CLTC: variants seen among roughly 807,000 people sequenced by gnomAD.
CLTC encodes the protein clathrin heavy chain.
Under a neutral mutation model 195.8 loss-of-function variants are expected in CLTC, and 16 were observed. The ratio of observed to expected loss-of-function variants is 0.08; its 90% CI spans 0.06 to 0.12. The LOEUF is 0.12. Ranked by LOEUF, CLTC falls within the 10% of genes least tolerant of loss-of-function variation. The pLI is 1.00. For synonymous variants in CLTC, 667 were observed against 689.4 expected (o/e 0.97, Z 0.51); for missense variants, 796 against 2,027.0 (o/e 0.39, Z 11.66).
At chr17:59,620,212 G>C in intron 1 of CLTC, 39 bp downstream of exon 1, 1 of 1,610,764 alleles carries the variant, frequency 6.2e-7, no homozygotes, top group Non-Finnish European at 8.5e-7. Flanking sequence ...TGTGGAGAAG[G>C]TGGTAGGAAG....
At chr17:59,684,345 T>C (rs946556455) in intron 28 of CLTC, 1 of 189,240 alleles carries the variant, frequency 5.3e-6, no homozygotes, top group African/African-American at 2.4e-5. Context: ...TATTAGTGTT[T>C]GTATAAACTT....
intron 1 of CLTC, 62 bp downstream of exon 1, chr17:59,620,235 T>G (rs1598194295): frequency 6.3e-7 from 1 of 1,575,022 alleles, no homozygotes; most frequent in South Asian, 1.1e-5. Flanking sequence ...TGGAAGACGC[T>G]GGAGTCTGGG....
At chr17:59,688,661 T>G (rs2033234987) in intron 30 of CLTC, among the ~76,000 whole-genome samples, 1 of 152,274 alleles carries the variant, frequency 6.6e-6, no homozygotes, top group Non-Finnish European at 1.5e-5. Context: ...ACGCCCAAAC[T>G]TCCTATGTGT....
intron 1 of CLTC, among the ~76,000 whole-genome samples, chr17:59,631,085 C>T (rs564219108): frequency 2.0e-5 from 3 of 152,260 alleles, no homozygotes; most frequent in South Asian, 4.1e-4. Flanking sequence ...TGGGATGATT[C>T]GTCTAATTGG....
chr17:59,656,561 A>G (rs990965718), intron 6 of CLTC, among the ~76,000 whole-genome samples: 1 of 152,028 alleles, frequency 6.6e-6, no homozygotes, highest in African/African-American at 2.4e-5. Context: ...TGGAAAGCTA[A>G]TCAGTTTGGT....
chr17:59,637,445 T>C (rs2031898938), intron 1 of CLTC, among the ~76,000 whole-genome samples: 1 of 151,012 alleles, frequency 6.6e-6, no homozygotes, highest in Admixed American at 6.6e-5. Context: ...GGGGTTTCAC[T>C]GTGTTAGCCA....
intron 16 of CLTC, among the ~76,000 whole-genome samples, chr17:59,676,116 G>A (rs2032960114): frequency 6.6e-6 from 1 of 152,136 alleles, no homozygotes; most frequent in African/African-American, 2.4e-5. Flanking sequence ...TAAGGTGAGA[G>A]GATTGCTTGA....
At position 59,681,714 on chromosome 17, in the gene CLTC, C is replaced by T. The variant is rs754983934; in HGVS notation, c.3317C>T (p.Ala1106Val). The change falls in exon 21 of 32, where the codon GCG becomes GTG. Residue 1106 changes from alanine (A) to valine (V), a missense_variant. By Grantham distance (64) the Ala-to-Val change is moderately conservative. This residue lies in a region of CLTC where 160 missense variants were observed against 448.2 expected (regional missense o/e 0.36). Transcript: ENST00000269122. This position sits in a 1 kb window ranked among gnomAD's most constrained non-coding sequence, Gnocchi z 5.0. ...YEFAERCNEP[A>V]VWSQLAKAQL... ...TTTGCTGAACGTTGCAATGAACCTG[C>T]GGTCTGGAGTCAACTTGCAAAAGCC... The T allele has an allele frequency of 6.2e-7, 1 of 1,613,970 alleles. No homozygotes were observed. Among genetic ancestry groups the T allele is most frequent in the Admixed American group, 1.7e-5 (1 of 60,012 alleles).
intron 2 of CLTC, among the ~76,000 whole-genome samples, chr17:59,645,631 A>G (rs1374205779): frequency 6.6e-6 from 1 of 152,192 alleles, no homozygotes; most frequent in African/African-American, 2.4e-5. Context: ...AGAGGTGCTG[A>G]ACTTTGACTT....
chr17:59,682,242 G>A lies in CLTC; in HGVS notation c.3443-29G>A. Reference sequence around the variant, plus strand: ...AAGATAAACTAGGATGTTAGTGTTTGGATATATTTTTTCTTTTTCTATACT... The same window carrying A: ...AAGATAAACTAGGATGTTAGTGTTTAGATATATTTTTTCTTTTTCTATACT... On this transcript the variant is annotated intron_variant, in intron 21 of 31. Coordinates refer to ENST00000269122, the MANE Select transcript of CLTC (RefSeq NM_004859.4). This position sits in a 1 kb window ranked among gnomAD's most constrained non-coding sequence, Gnocchi z 6.8. The A allele has an allele frequency of 1.9e-6, 3 of 1,592,044 alleles. No homozygotes were observed. The highest frequency in any genetic ancestry group is 2.7e-5 in the African/African-American group (2 of 73,870).
At chr17:59,620,733 G>A (rs2031347789) in intron 1 of CLTC, among the ~76,000 whole-genome samples, 1 of 152,060 alleles carries the variant, frequency 6.6e-6, no homozygotes. Flanking sequence ...GTGAGGCGGT[G>A]GCTTTTCTCT....
intron 1 of CLTC, among the ~76,000 whole-genome samples, chr17:59,634,718 G>A (rs2031815411): frequency 6.6e-6 from 1 of 152,180 alleles, no homozygotes. Flanking sequence ...AGGGTTAAAG[G>A]CATTTTTATT....
rs1367992621 is a variant in CLTC at position 59,685,472 on chromosome 17, C to T, written c.4606-115C>T. On this transcript the variant is annotated intron_variant, in intron 29 of 31. Transcript: ENST00000269122. The surrounding 1 kb of genome is among the most constrained non-coding windows in gnomAD (Gnocchi z 5.0). The stretch of plus-strand genomic sequence containing the variant: ...TAATTTAAATGATACAACTAGGAGG[C>T]TTTTTTCCCCTTGCAAAACCAGATT... 1 of 980,280 alleles carries T rather than the reference C, an allele frequency of 1.0e-6. No homozygotes were observed. Among genetic ancestry groups the T allele is most frequent in the Admixed American group, 2.8e-5 (1 of 35,682 alleles). The allele number at this position is 980,280 out of a possible 1,614,324, so 60.7% of individuals were successfully genotyped here.
At chr17:59,639,997 C>T (rs1212414344) in intron 1 of CLTC, among the ~76,000 whole-genome samples, 1 of 152,082 alleles carries the variant, frequency 6.6e-6, no homozygotes, top group East Asian at 1.9e-4. Context: ...TGTGGTATAG[C>T]TTATATGCCA....
chr17:59,625,149 C>T (rs999349531), intron 1 of CLTC, among the ~76,000 whole-genome samples: 5 of 151,002 alleles, frequency 3.3e-5, no homozygotes, highest in African/African-American at 9.7e-5. Flanking sequence ...CTCACTCTGT[C>T]GCCAGGCTGG....
chr17:59,684,089 T>C (rs2033129716), intron 28 of CLTC, 104 bp downstream of exon 28: 1 of 679,276 alleles, frequency 1.5e-6, no homozygotes, highest in Middle Eastern at 3.9e-4. Flanking sequence ...CAGTAGGTGC[T>C]TGCATACCTA....
chr17:59,684,088 C>A, intron 28 of CLTC, 103 bp downstream of exon 28: 1 of 677,828 alleles, frequency 1.5e-6, no homozygotes, highest in Non-Finnish European at 2.5e-6. Context: ...ACAGTAGGTG[C>A]TTGCATACCT....
chr17:59,629,172 C>T (rs2031638373), intron 1 of CLTC, among the ~76,000 whole-genome samples: 2 of 152,172 alleles, frequency 1.3e-5, no homozygotes, highest in Admixed American at 1.3e-4. Flanking sequence ...TCTCTTTCTC[C>T]AGTCTCTGCA....
At position 59,648,356 on chromosome 17, in the gene CLTC, A is replaced by G. The variant is rs770942971; in HGVS notation, c.636A>G (p.Glu212=). The G allele has an allele frequency of 2.5e-6, 4 of 1,614,146 alleles. No homozygotes were observed. Among genetic ancestry groups the G allele is most frequent in the South Asian group, 1.1e-5 (1 of 91,074 alleles). The part of the protein sequence containing the change: ...AQFKMEGNAE[E]STLFCFAVRG... The stretch of plus-strand genomic sequence containing the variant: ...TTAAGATGGAAGGAAATGCAGAAGA[A>G]TCAACGTTATTTTGTTTTGCAGTTC... The change falls in exon 4 of 32, where the codon GAA becomes GAG. Residue 212 remains glutamate (E), a synonymous_variant. Transcript: ENST00000269122. The surrounding 1 kb of genome is among the most constrained non-coding windows in gnomAD (Gnocchi z 4.5).
Sources: gnomAD v4.1 joint callset for allele counts (sites outside exome capture counted in the v4.1 genomes callset) on GRCh38, gnomAD v4.1.1 for gene constraint, gnomAD v4.1.1 regional missense constraint, Gnocchi (gnomAD v3.1) non-coding constraint, MANE v1.5 for transcripts, NCBI Gene and HGNC (gene_info 2026-07-23, HGNC 2026-07-21) for gene names.